The following CYBA variants were observed in gnomAD, a reference collection of about 807,000 sequenced individuals.
CYBA encodes the protein cytochrome b-245 light chain.
Under a neutral mutation model 20.8 loss-of-function variants are expected in CYBA, and 21 were observed. That is an observed-to-expected ratio of 1.01 (90% CI 0.72 to 1.46). The LOEUF (loss-of-function observed/expected upper bound fraction) is 1.46, where lower values mean the gene tolerates loss of function less well. CYBA is among the 40% of genes most tolerant of loss of function. The pLI is 0.00. For missense variants in CYBA, 344 were observed against 287.0 expected (o/e 1.20, Z -1.43); for synonymous variants, 164 against 127.5 (o/e 1.29, Z -1.93).
At position 88,646,778 on chromosome 16, in the gene CYBA, A is replaced by G. The variant is rs767598507; in HGVS notation, c.264T>C (p.Tyr88=). The change falls in exon 4 of 6, where the codon TAT becomes TAC. Residue 88 remains tyrosine, a synonymous_variant. Transcript: ENST00000261623. ...KLFGPFTRNY[Y]VRAVLHLLLS... ...ACAGGAGATGCAGGACGGCCCGAAC[A>G]TAGTAATTCCTGGTAAAGGGCCCGA... is the stretch of plus-strand genomic sequence containing the variant. 4.3e-6 allele frequency: 7 copies of G among 1,613,922 alleles called. No homozygotes were observed. The highest frequency in any genetic ancestry group is 1.7e-5 in the Admixed American group (1 of 60,022).
chr16:88,650,734 G>A (rs1193217846), intron 1 of CYBA: 3 of 615,338 alleles, frequency 4.9e-6, no homozygotes, highest in Non-Finnish European at 8.7e-6. Context: ...GCCGCGCTCC[G>A]CAGGGTCTGC....
chr16:88,644,061 C>T (rs59063831), intron 5 of CYBA, among the ~76,000 whole-genome samples: 3,080 of 152,298 alleles, frequency 0.02, 100 homozygotes, highest in African/African-American at 0.071. Flanking sequence ...TTGAAGACCA[C>T]GGGATTCCAC....
At chr16:88,648,636 G>A (rs1269078314) in intron 1 of CYBA, among the ~76,000 whole-genome samples, 1 of 141,466 alleles carries the variant, frequency 7.1e-6, no homozygotes, top group Non-Finnish European at 1.5e-5. Flanking sequence ...TTTTTTTTTC[G>A]AGACGGAGTC....
intron 5 of CYBA, chr16:88,645,655 G>C: frequency 1.7e-6 from 1 of 586,446 alleles, no homozygotes; most frequent in Non-Finnish European, 3.0e-6. Flanking sequence ...GGGTGCAGCA[G>C]TCATAAACCA....
chr16:88,646,076 AT>A, intron 5 of CYBA, 39 bp downstream of exon 5: 1 of 1,496,848 alleles, frequency 6.7e-7, no homozygotes, highest in Non-Finnish European at 9.0e-7. Context: ...GGGGCTGGGG[AT>A]GGGGGTGGCC....
At chr16:88,647,865 C>T in intron 2 of CYBA, 180 bp downstream of exon 2, 2 of 660,626 alleles carry the variant, frequency 3.0e-6, no homozygotes, top group African/African-American at 1.8e-5. Flanking sequence ...CTGATCGCCA[C>T]ATGGTCCTGG....
chr16:88,648,493 G>A (rs1264695981), intron 1 of CYBA, among the ~76,000 whole-genome samples: 2 of 152,238 alleles, frequency 1.3e-5, no homozygotes, highest in African/African-American at 4.8e-5. Flanking sequence ...TCTTGGGGGA[G>A]TGTCTTTTTC....
At chr16:88,649,128 G>C (rs373780386) in intron 1 of CYBA, among the ~76,000 whole-genome samples, 9 of 151,344 alleles carry the variant, frequency 5.9e-5, no homozygotes, top group East Asian at 1.9e-4. Flanking sequence ...TAGTAGAGAC[G>C]GGGTTTCACT....
chr16:88,646,336 T>TGCAAAGTC, intron 4 of CYBA, 139 bp from the exon 5 acceptor site: 26 of 670,454 alleles, frequency 3.9e-5, no homozygotes, highest in Non-Finnish European at 5.2e-5. Context: ...GGACCGGGGC[T>TGCAAAGTC]TGTTTCGGTC....
chr16:88,644,972 G>C (rs1226074618), intron 5 of CYBA: 2 of 597,120 alleles, frequency 3.3e-6, no homozygotes, highest in Non-Finnish European at 6.0e-6. Flanking sequence ...CGGCCAGCTC[G>C]TGCTGTGAAA....
chr16:88,648,045 A>G lies in CYBA; in HGVS notation c.128T>C (p.Ile43Thr). 5 of 1,612,318 alleles carry G rather than the reference A, an allele frequency of 3.1e-6. No homozygotes were observed. The highest frequency in any genetic ancestry group is 1.3e-5 in the African/African-American group (1 of 75,052). The change falls in exon 2 of 6, where the codon ATT becomes ACT. Residue 43 changes from isoleucine (I) to threonine (T), a missense_variant and splice_region_variant. Transcript: ENST00000261623. Reference sequence around the variant, plus strand: ...ACCCCAGCCTCAGGTGGAAGGATACATGGAGTAGGCACCAAAGTACCACTG... The same window carrying G: ...ACCCCAGCCTCAGGTGGAAGGATACGTGGAGTAGGCACCAAAGTACCACTG... ...FTQWYFGAYS[I>T]VAGVFVCLLE...
At chr16:88,645,715 A>G (rs933775581) in intron 5 of CYBA, 11 of 549,050 alleles carry the variant, frequency 2.0e-5, no homozygotes, top group African/African-American at 1.7e-4. Flanking sequence ...GGCACCGCCC[A>G]TGAATCAGCG....
chr16:88,648,261 C>T (rs1437652464), intron 1 of CYBA, 147 bp from the exon 2 acceptor site: 1 of 729,248 alleles, frequency 1.4e-6, no homozygotes, highest in Non-Finnish European at 2.3e-6. Flanking sequence ...GGGGACACCC[C>T]CAGGAGGCAC....
chr16:88,643,607 G>GCCCCCCC lies in CYBA; in HGVS notation c.370-37_370-36insGGGGGGG. On this transcript the variant is annotated intron_variant, in intron 5 of 5. Transcript: ENST00000261623. This position sits in a 1 kb window ranked among gnomAD's most constrained non-coding sequence, Gnocchi z 4.3. ...CTGAAGGGTTGAGCCGCGCCCCAGC[G>GCCCCCCC]CCCGCCCTCCCTCCCTCCCTCCCTC... 6.6e-7 allele frequency: 1 copy of GCCCCCCC among 1,509,626 alleles called. No individual in the cohort carries two copies. 93.5% of individuals were successfully genotyped at this position (1,509,626 alleles called of 1,614,324 possible).
chr16:88,647,681 C>A (rs982362790), intron 2 of CYBA: 5 of 400,430 alleles, frequency 1.2e-5, no homozygotes, highest in African/African-American at 2.0e-5. Context: ...TCCGGCTGGG[C>A]GGCAGGGCTG....
intron 1 of CYBA, among the ~76,000 whole-genome samples, chr16:88,649,146 C>T (rs1056005380): frequency 4.6e-5 from 7 of 151,370 alleles, no homozygotes; most frequent in East Asian, 2.0e-4. Flanking sequence ...ACTGTGTTAG[C>T]CAGGATGGTC....
intron 1 of CYBA, among the ~76,000 whole-genome samples, chr16:88,649,953 C>T (rs1039381614): frequency 1.3e-5 from 2 of 152,148 alleles, no homozygotes; most frequent in African/African-American, 4.8e-5. Context: ...CTGAACTGAC[C>T]CACCGACTTC....
Position 88,643,585 on chromosome 16 carries a change from A to C in CYBA, c.370-14T>G. ...ACGCACAGCCGCCTGCGGGGCACTG[A>C]AGGGTTGAGCCGCGCCCCAGCGCCC... On this transcript the variant is annotated splice_polypyrimidine_tract_variant and intron_variant, in intron 5 of 5. Transcript: ENST00000261623. This position sits in a 1 kb window ranked among gnomAD's most constrained non-coding sequence, Gnocchi z 4.3. 1 of 1,530,958 alleles carries C rather than the reference A, an allele frequency of 6.5e-7. No homozygotes were observed. The highest frequency in any genetic ancestry group is 8.7e-7 in the Non-Finnish European group (1 of 1,144,546). 94.8% of individuals were successfully genotyped at this position (1,530,958 alleles called of 1,614,324 possible). A position where few individuals can be genotyped will look rare whatever the true frequency, so the allele number is the denominator to read the frequency against.
In CYBA at chr16:88,643,533, G is replaced by C. The variant is rs982199940; in HGVS notation, c.408C>G (p.Pro136=). ...VRGEQWTPIE[P]KPRERPQIGG... is the part of the protein sequence containing the mutation. ...CGATCTGCGGCCGCTCCCGGGGCTT[G>C]GGCTCGATGGGCGTCCACTGCTCGC... Residue 136 remains proline (P), a synonymous_variant, in exon 6 of 6, where the codon CCC becomes CCG. Transcript: ENST00000261623. This position sits in a 1 kb window ranked among gnomAD's most constrained non-coding sequence, Gnocchi z 4.3. The C allele has an allele frequency of 6.5e-7, 1 of 1,535,050 alleles. No homozygotes were observed.
Sources: allele counts gnomAD v4.1 joint callset (sites outside exome capture counted in the v4.1 genomes callset), GRCh38; gene constraint gnomAD v4.1.1; non-coding constraint Gnocchi (gnomAD v3.1); transcripts MANE v1.5; gene names NCBI Gene and HGNC (gene_info 2026-07-23, HGNC 2026-07-21).